NELL2: variants seen among roughly 807,000 people sequenced by gnomAD.
NELL2 encodes the protein neural EGFL like 2, also known as protein kinase C-binding protein NELL2.
NELL2 carries 41 observed loss-of-function variants against 109.6 expected under a neutral mutation model. That is an observed-to-expected ratio of 0.37 (90% CI 0.29 to 0.49). The LOEUF (loss-of-function observed/expected upper bound fraction) is 0.49. NELL2 is among the 20% of genes least tolerant of loss of function. The pLI, the probability that NELL2 is intolerant of heterozygous loss-of-function variation, is 0.98. For missense variants in NELL2, 900 were observed against 1,008.3 expected (o/e 0.89, Z 1.45); for synonymous variants, 355 against 344.7 (o/e 1.03, Z -0.33).
chr12:44,744,478 C>A (rs1007491374), intron 9 of NELL2, among the ~76,000 whole-genome samples: 1 of 151,902 alleles, frequency 6.6e-6, no homozygotes, highest in East Asian at 1.9e-4. Context: ...AATAGAGACA[C>A]AAAAAACCCT....
chr12:44,645,619 C>A (rs899180258), intron 13 of NELL2, among the ~76,000 whole-genome samples: 6 of 152,152 alleles, frequency 3.9e-5, no homozygotes, highest in Non-Finnish European at 8.8e-5. Flanking sequence ...TAATCCCTTT[C>A]ATAGTTGAGT....
At chr12:44,761,733 A>G (rs1022633103) in intron 9 of NELL2, among the ~76,000 whole-genome samples, 3 of 152,216 alleles carry the variant, frequency 2.0e-5, no homozygotes, top group African/African-American at 7.2e-5. Context: ...TGAAGCAGCC[A>G]TAGATGGAGC....
At chr12:44,789,599 AGCAATGGAT>A in intron 3 of NELL2, among the ~76,000 whole-genome samples, 1 of 152,302 alleles carries the variant, frequency 6.6e-6, no homozygotes, top group African/African-American at 2.4e-5. Context: ...CTAGTTCACC[AGCAATGGAT>A]CCAAACCAAG....
rs12230015 is a variant in NELL2, at chr12:44,783,414, A to G, written c.336-3392T>C. Among the ~76,000 whole-genome samples, 341 of 151,984 alleles carry G rather than the reference A, an allele frequency of 2.2e-3. 10 individuals carry two copies. The East Asian group carries it at 0.048, about 22-fold the overall frequency. On this transcript the variant is annotated intron_variant, in intron 3 of 19. Coordinates refer to ENST00000429094, the MANE Select transcript of NELL2 (RefSeq NM_001145108.2). ...AATACAATTTAAAAAAATTGAAAAA[A>G]ATCAATGAACCACAAGCTGGTTCTT...
At chr12:44,735,682 A>AT (rs1323897748) in intron 9 of NELL2, among the ~76,000 whole-genome samples, 2 of 152,032 alleles carry the variant, frequency 1.3e-5, no homozygotes, top group Admixed American at 6.6e-5. Context: ...AGTTCCACTG[A>AT]TTTTTTTCAC....
intron 2 of NELL2, among the ~76,000 whole-genome samples, chr12:44,870,520 A>G (rs112849241): frequency 1.3e-5 from 2 of 152,140 alleles, no homozygotes; most frequent in Non-Finnish European, 2.9e-5. Context: ...AGTTCTGGAG[A>G]TCAGAAGTCC....
intron 1 of NELL2, among the ~76,000 whole-genome samples, chr12:44,906,852 G>A (rs934518246): frequency 3.3e-5 from 5 of 152,048 alleles, no homozygotes; most frequent in Admixed American, 1.3e-4. Flanking sequence ...TAAGAAATAT[G>A]TATCTGGGAC....
In NELL2 at chr12:44,867,304, A is replaced by C. The variant is rs1945028871; in HGVS notation, c.184+7921T>G. On this transcript the variant is annotated intron_variant, in intron 2 of 19. Coordinates refer to ENST00000429094, the MANE Select transcript of NELL2 (RefSeq NM_001145108.2). ...ACCATGATCAAGTAGGATTTATCCC[A>C]AGGAGGCAAGAATGGCTCAACATAC... Among the ~76,000 whole-genome samples the C allele has an allele frequency of 2.6e-5, 4 of 152,212 alleles. No homozygotes were observed. The South Asian group carries it at 8.3e-4, about 31-fold the overall frequency.
chr12:44,614,271 G>T (rs555835101), intron 13 of NELL2, among the ~76,000 whole-genome samples: 1 of 151,874 alleles, frequency 6.6e-6, no homozygotes, highest in East Asian at 1.9e-4. Flanking sequence ...ATTTTAATCA[G>T]AATTTAATTA....
chr12:44,847,567 G>A lies in NELL2; in HGVS notation c.184+27658C>T, dbSNP rs7485653. The stretch of plus-strand genomic sequence containing the variant: ...TTGGCTAAGTACAGAAGAAATGGGG[G>A]AAAAAAAAAAAAAGCCTTGTACTCC... On this transcript the variant is annotated intron_variant, in intron 2 of 19. Transcript: ENST00000429094. Among the ~76,000 whole-genome samples, 44 of 142,886 alleles carry A rather than the reference G, an allele frequency of 3.1e-4. 1 individual carries two copies. The highest frequency in any genetic ancestry group is 2.1e-4 in the Admixed American group (3 of 14,392). The allele number at this position is 142,886 out of a possible 152,430, so 93.7% of individuals were successfully genotyped here.
chr12:44,587,995 C>CA lies in NELL2; in HGVS notation c.1663+19173dup, dbSNP rs936335870. Among the ~76,000 whole-genome samples, 74 of 151,924 alleles carry CA rather than the reference C, an allele frequency of 4.9e-4. 2 individuals are homozygous for CA. Among genetic ancestry groups the CA allele is most frequent in the Admixed American group, 4.5e-3 (68 of 15,270 alleles). On this transcript the variant is annotated intron_variant, in intron 15 of 19. Coordinates refer to ENST00000429094, the MANE Select transcript of NELL2 (RefSeq NM_001145108.2). ...TGAAACCCCGTCTCTACTAAAAATA[C>CA]AAAAAATTAGCCAGGCGTGGTGGCG...
intron 15 of NELL2, among the ~76,000 whole-genome samples, chr12:44,543,824 G>A (rs1242418008): frequency 6.6e-6 from 1 of 152,008 alleles, no homozygotes; most frequent in Non-Finnish European, 1.5e-5. Flanking sequence ...CTGCAACCTC[G>A]AGGATCTTCA....
intron 9 of NELL2, among the ~76,000 whole-genome samples, chr12:44,755,336 T>C (rs529093319): frequency 6.6e-6 from 1 of 152,206 alleles, no homozygotes; most frequent in South Asian, 2.1e-4. Flanking sequence ...CTCTTTCAGG[T>C]TCCCGTCATT....
At chr12:44,697,399 C>T (rs933403985) in intron 12 of NELL2, among the ~76,000 whole-genome samples, 1 of 152,146 alleles carries the variant, frequency 6.6e-6, no homozygotes, top group African/African-American at 2.4e-5. Context: ...GCCAATGAGT[C>T]TACCATATAC....
At chr12:44,518,812 T>C (rs1026507185) in intron 19 of NELL2, among the ~76,000 whole-genome samples, 2 of 152,234 alleles carry the variant, frequency 1.3e-5, no homozygotes. Flanking sequence ...CTATTAAGTA[T>C]ACACATATTA....
chr12:44,862,203 T>C (rs1944863459), intron 2 of NELL2, among the ~76,000 whole-genome samples: 1 of 152,220 alleles, frequency 6.6e-6, no homozygotes, highest in African/African-American at 2.4e-5. Flanking sequence ...CCAGCAGCGC[T>C]TGCAGCTGCA....
intron 11 of NELL2, among the ~76,000 whole-genome samples, chr12:44,704,326 A>G (rs190077559): frequency 2.4e-3 from 348 of 143,632 alleles, no homozygotes; most frequent in African/African-American, 8.2e-3. Context: ...TCCAAAAAAA[A>G]CAAAACCTTT....
chr12:44,879,391 G>A (rs1388920129), upstream of NELL2, among the ~76,000 whole-genome samples: 1 of 150,642 alleles, frequency 6.6e-6, no homozygotes, highest in African/African-American at 2.5e-5. Flanking sequence ...ACTACATGAG[G>A]AAAAGTTCAG....
intron 9 of NELL2, among the ~76,000 whole-genome samples, chr12:44,773,827 G>A (rs1485924598): frequency 6.6e-6 from 1 of 152,060 alleles, no homozygotes; most frequent in Non-Finnish European, 1.5e-5. Flanking sequence ...TTAAATCAAC[G>A]GACTATGAAG....
Sources: gnomAD v4.1 joint callset for allele counts (sites outside exome capture counted in the v4.1 genomes callset) on GRCh38, gnomAD v4.1.1 for gene constraint, MANE v1.5 for transcripts, NCBI Gene and HGNC (gene_info 2026-07-23, HGNC 2026-07-21) for gene names.